CALN1: variants seen among roughly 807,000 people sequenced by gnomAD.
CALN1 encodes the protein calneuron 1, also known as calcium-binding protein 8.
CALN1 carries 17 observed loss-of-function variants against 30.6 expected under a neutral mutation model. The ratio of observed to expected loss-of-function variants is 0.56; its 90% CI spans 0.38 to 0.83. The LOEUF (loss-of-function observed/expected upper bound fraction) is 0.83. CALN1 is among the 40% of genes least tolerant of loss of function. The pLI is 0.00. For missense variants in CALN1, 291 were observed against 354.9 expected (o/e 0.82, Z 1.45); for synonymous variants, 156 against 131.4 (o/e 1.19, Z -1.28).
chr7:71,847,102 T>G (rs994559753), intron 5 of CALN1, among the ~76,000 whole-genome samples: 6 of 151,228 alleles, frequency 4.0e-5, no homozygotes, highest in Admixed American at 3.3e-4. Flanking sequence ...GCCCAAAGGG[T>G]GGCAGGCTCA....
intron 5 of CALN1, among the ~76,000 whole-genome samples, chr7:71,875,908 T>G (rs761281718): frequency 2.6e-5 from 4 of 152,146 alleles, no homozygotes; most frequent in African/African-American, 9.7e-5. Flanking sequence ...TCACAGACCA[T>G]GGTCAGTAGC....
chr7:72,060,045 C>T (rs1584857065), intron 4 of CALN1, among the ~76,000 whole-genome samples: 1 of 152,158 alleles, frequency 6.6e-6, no homozygotes. Flanking sequence ...AGATGCAATG[C>T]TAAAGACCCC....
chr7:71,784,697 A>T lies in CALN1; in HGVS notation c.*3078T>A. The stretch of plus-strand genomic sequence containing the variant: ...ATGAGCCAACCTGTGTTTGTCAATC[A>T]CTCAGCCTCCACACAGTTGGGCAGC... On this transcript the variant is annotated 3_prime_UTR_variant, in exon 7 of 7. Coordinates refer to ENST00000395275, the MANE Select transcript of CALN1 (RefSeq NM_031468.4). 1 of 397,860 alleles carries T rather than the reference A, an allele frequency of 2.5e-6. No individual in the cohort carries two copies. Among genetic ancestry groups the T allele is most frequent in the Non-Finnish European group, 4.4e-6 (1 of 225,848 alleles). 24.6% of individuals were successfully genotyped at this position (397,860 alleles called of 1,614,324 possible).
chr7:72,277,460 C>T (rs771647387), intron 3 of CALN1, among the ~76,000 whole-genome samples: 50 of 152,202 alleles, frequency 3.3e-4, no homozygotes, highest in Non-Finnish European at 6.8e-4. Context: ...GTCCAGACCA[C>T]AGTGAGCAGC....
intron 2 of CALN1, among the ~76,000 whole-genome samples, chr7:72,398,735 C>T (rs535577130): frequency 1.1e-4 from 17 of 152,328 alleles, no homozygotes; most frequent in Admixed American, 3.9e-4. Context: ...CTGGGGGACA[C>T]CCCATTATCC....
chr7:71,887,051 C>T (rs1027859333), intron 5 of CALN1, among the ~76,000 whole-genome samples: 5 of 151,884 alleles, frequency 3.3e-5, no homozygotes, highest in Admixed American at 6.6e-5. Flanking sequence ...AAATTCTGAA[C>T]GGAGGAAAGT....
intron 2 of CALN1, among the ~76,000 whole-genome samples, chr7:72,285,444 C>T (rs1181070645): frequency 5.3e-5 from 8 of 151,984 alleles, no homozygotes; most frequent in East Asian, 1.9e-4. Context: ...GGGGTTTCAC[C>T]GTGTTGGCCA....
chr7:72,386,015 A>G (rs1191755998), intron 2 of CALN1, among the ~76,000 whole-genome samples: 2 of 152,222 alleles, frequency 1.3e-5, no homozygotes, highest in Non-Finnish European at 2.9e-5. Flanking sequence ...AAGTGAGAGA[A>G]GCCAGTTTGA....
chr7:72,384,775 C>A (rs1289565035), intron 2 of CALN1, among the ~76,000 whole-genome samples: 1 of 151,864 alleles, frequency 6.6e-6, no homozygotes, highest in East Asian at 1.9e-4. Flanking sequence ...TCAGATAAAA[C>A]ACCAAAAGCA....
chr7:71,851,193 A>G (rs1790617874), intron 5 of CALN1, among the ~76,000 whole-genome samples: 1 of 147,672 alleles, frequency 6.8e-6, no homozygotes, highest in African/African-American at 2.5e-5. Flanking sequence ...GGCGACAGAG[A>G]GAGACCTTGT....
intron 3 of CALN1, among the ~76,000 whole-genome samples, chr7:72,165,223 A>G (rs1482069779): frequency 6.6e-6 from 1 of 152,182 alleles, no homozygotes; most frequent in East Asian, 1.9e-4. Flanking sequence ...AATTTCTTCA[A>G]GGCAACTGCC....
intron 2 of CALN1, among the ~76,000 whole-genome samples, chr7:72,394,662 CTTT>C (rs11313018): frequency 2.9e-4 from 36 of 126,036 alleles, no homozygotes; most frequent in East Asian, 1.2e-3. Context: ...GTACCATTGA[CTTT>C]TTTTTTTTTT....
chr7:71,793,026 C>T lies in CALN1; in HGVS notation c.659-5124G>A, dbSNP rs573428131. Among the ~76,000 whole-genome samples, 5 of 152,096 alleles carry T rather than the reference C, an allele frequency of 3.3e-5. No individual in the cohort carries two copies. The South Asian group carries it at 6.2e-4, about 19-fold the overall frequency. ...TCCTATAAGCAGAGAGGAGCAGAGC[C>T]GGGTGCGGTGGCTCACGCCTGTAAT... On this transcript the variant is annotated intron_variant, in intron 6 of 6. Transcript: ENST00000395275.
chr7:72,206,549 CTTTT>C (rs959987474), intron 3 of CALN1, among the ~76,000 whole-genome samples: 1 of 151,954 alleles, frequency 6.6e-6, no homozygotes, highest in African/African-American at 2.4e-5. Flanking sequence ...ACAAGCTTAT[CTTTT>C]TTTGTATTTT....
intron 5 of CALN1, among the ~76,000 whole-genome samples, chr7:71,971,086 A>G (rs753832282): frequency 6.6e-6 from 1 of 152,202 alleles, no homozygotes; most frequent in Non-Finnish European, 1.5e-5. Flanking sequence ...ACACAGCCAC[A>G]AAAGAGGACT....
At chr7:72,131,569 C>T (rs1195500185) in intron 3 of CALN1, among the ~76,000 whole-genome samples, 1 of 152,138 alleles carries the variant, frequency 6.6e-6, no homozygotes, top group African/African-American at 2.4e-5. Flanking sequence ...ACAGCTTTAC[C>T]TCCACTCCAT....
At chr7:72,279,726 C>T (rs1366598037) in intron 2 of CALN1, among the ~76,000 whole-genome samples, 1 of 152,226 alleles carries the variant, frequency 6.6e-6, no homozygotes, top group East Asian at 1.9e-4. Flanking sequence ...GGAAGATTAT[C>T]TTCTCCAAAG....
chr7:72,000,513 T>C (rs1021399159), intron 5 of CALN1, among the ~76,000 whole-genome samples: 2 of 151,976 alleles, frequency 1.3e-5, no homozygotes, highest in Non-Finnish European at 2.9e-5. Flanking sequence ...ATTAAAGAAA[T>C]TGATTTCATA....
At chr7:72,267,981 G>A (rs1015488) in intron 3 of CALN1, among the ~76,000 whole-genome samples, 1 of 152,134 alleles carries the variant, frequency 6.6e-6, no homozygotes, top group Non-Finnish European at 1.5e-5. Context: ...CACTCCAGCC[G>A]GGGCAACAGA....
Sources: gnomAD v4.1 joint callset for allele counts (sites outside exome capture counted in the v4.1 genomes callset) on GRCh38, gnomAD v4.1.1 for gene constraint, MANE v1.5 for transcripts, NCBI Gene and HGNC (gene_info 2026-07-23, HGNC 2026-07-21) for gene names.